The following BMAL1 variants were observed in gnomAD, a reference collection of about 807,000 sequenced individuals.
The protein encoded by BMAL1 is basic helix-loop-helix ARNT like 1.
the BMAL1 span, among the ~76,000 whole-genome samples, chr11:13,340,288 G>C: frequency 5.3e-5 from 8 of 152,116 alleles, no homozygotes; most frequent in Non-Finnish European, 1.2e-4. Context: ...CCCTGGGGCA[G>C]CCCACCCCTC....
At chr11:13,366,609 A>G in the BMAL1 span, 31 of 1,453,490 alleles carry the variant, frequency 2.1e-5, no homozygotes, top group South Asian at 2.9e-4. Flanking sequence ...TACTTGTTGC[A>G]TAATTGATTT....
chr11:13,295,236 C>G, the BMAL1 span, among the ~76,000 whole-genome samples: 1 of 152,086 alleles, frequency 6.6e-6, no homozygotes, highest in Non-Finnish European at 1.5e-5. Context: ...AGCCTGTGTT[C>G]TAGATGCTGG....
chr11:13,334,193 T>A, the BMAL1 span, among the ~76,000 whole-genome samples: 1 of 152,010 alleles, frequency 6.6e-6, no homozygotes, highest in Non-Finnish European at 1.5e-5. Context: ...AGAGCAGAGA[T>A]TTGGGGCTAG....
At chr11:13,375,645 G>A in the BMAL1 span, 1 of 1,587,996 alleles carries the variant, frequency 6.3e-7, no homozygotes, top group East Asian at 2.3e-5. Context: ...ACAACTAATT[G>A]CTATAAATTT....
At chr11:13,320,658 C>T in the BMAL1 span, among the ~76,000 whole-genome samples, 3 of 152,240 alleles carry the variant, frequency 2.0e-5, no homozygotes, top group African/African-American at 7.2e-5. Flanking sequence ...TATGAGTCCT[C>T]TCTTATCTTC....
At chr11:13,294,949 C>T in the BMAL1 span, among the ~76,000 whole-genome samples, 1 of 152,332 alleles carries the variant, frequency 6.6e-6, no homozygotes, top group South Asian at 2.1e-4. Flanking sequence ...GCCCTTGTCC[C>T]TGTGCAGCTT....
At chr11:13,373,967 A>G in the BMAL1 span, 2 of 726,750 alleles carry the variant, frequency 2.8e-6, no homozygotes, top group African/African-American at 3.5e-5. Flanking sequence ...CTGAAAATCC[A>G]TCCAGCTCTT....
At chr11:13,348,737 G>C in the BMAL1 span, among the ~76,000 whole-genome samples, 3 of 152,190 alleles carry the variant, frequency 2.0e-5, no homozygotes, top group Non-Finnish European at 4.4e-5. Flanking sequence ...ATTTGCATGT[G>C]CCCAGACTGG....
the BMAL1 span, among the ~76,000 whole-genome samples, chr11:13,306,622 A>G: frequency 6.6e-6 from 1 of 152,324 alleles, no homozygotes; most frequent in East Asian, 1.9e-4. Flanking sequence ...GGGCAGAGGA[A>G]TTCTGGCTGC....
the BMAL1 span, among the ~76,000 whole-genome samples, chr11:13,338,539 A>G: frequency 1.3e-5 from 2 of 152,284 alleles, no homozygotes; most frequent in African/African-American, 4.8e-5. Flanking sequence ...GGTTTTTGAT[A>G]TCCTTGCCCC....
chr11:13,352,859 C>T, the BMAL1 span, among the ~76,000 whole-genome samples: 1 of 152,220 alleles, frequency 6.6e-6, no homozygotes, highest in African/African-American at 2.4e-5. Flanking sequence ...CAGCTCCAGT[C>T]CTACTCCACG....
chr11:13,281,862 C>CT, the BMAL1 span, among the ~76,000 whole-genome samples: 1 of 152,198 alleles, frequency 6.6e-6, no homozygotes, highest in South Asian at 2.1e-4. Context: ...CCTTTCCTCT[C>CT]TCAGCCTTTG....
At chr11:13,359,391 G>A in the BMAL1 span, among the ~76,000 whole-genome samples, 1 of 152,132 alleles carries the variant, frequency 6.6e-6, no homozygotes, top group East Asian at 1.9e-4. Context: ...AGAAGTAGCT[G>A]GTTTTGTCTG....
the BMAL1 span, chr11:13,387,221 C>G: frequency 6.5e-6 from 1 of 152,744 alleles, no homozygotes; most frequent in Non-Finnish European, 1.5e-5. Context: ...GTATAATGTA[C>G]TAGACAGTTA....
At chr11:13,379,036 G>C in the BMAL1 span, 5 of 152,224 alleles carry the variant, frequency 3.3e-5, no homozygotes, top group Admixed American at 1.3e-4. Context: ...TCCTGGGCCT[G>C]TCTCTCTACC....
At chr11:13,304,083 C>T in the BMAL1 span, among the ~76,000 whole-genome samples, 1 of 152,070 alleles carries the variant, frequency 6.6e-6, no homozygotes, top group African/African-American at 2.4e-5. Context: ...ATTTGGTTGC[C>T]TTGGGAATGA....
chr11:13,326,630 G>A, the BMAL1 span, among the ~76,000 whole-genome samples: 1 of 151,994 alleles, frequency 6.6e-6, no homozygotes, highest in African/African-American at 2.4e-5. Context: ...AACTAGCTGG[G>A]GACCTTGGGC....
chr11:13,324,619 T>C, the BMAL1 span, among the ~76,000 whole-genome samples: 2 of 152,218 alleles, frequency 1.3e-5, no homozygotes, highest in African/African-American at 2.4e-5. Context: ...TTATATGATA[T>C]GTTTGTTTGT....
the BMAL1 span, chr11:13,349,881 T>A: frequency 6.6e-6 from 1 of 152,142 alleles, no homozygotes; most frequent in East Asian, 1.9e-4. Flanking sequence ...AATAAGAGAT[T>A]TTTACATTTA....
Sources: gnomAD v4.1 joint callset for allele counts (sites outside exome capture counted in the v4.1 genomes callset) on GRCh38, gnomAD v4.1.1 for gene constraint, MANE v1.5 for transcripts, NCBI Gene and HGNC (gene_info 2026-07-23, HGNC 2026-07-21) for gene names.